Variants in TENT5D observed in about 807,000 individuals in gnomAD.
TENT5D encodes terminal nucleotidyltransferase 5D.
For missense variants in TENT5D, 191 were observed against 287.0 expected (o/e 0.67, Z 2.42); for synonymous variants, 103 against 100.6 (o/e 1.02, Z -0.15).
At chrX:80,407,307 A>T (rs1172283960) in intron 3 of TENT5D, among the ~76,000 whole-genome samples, 12 of 111,284 alleles carry the variant, frequency 1.1e-4, no homozygotes, top group African/African-American at 3.6e-4. Context: ...CAGACTGGCA[A>T]ATTGGATAAA....
chrX:80,441,182 AT>A, intron 2 of TENT5D, among the ~76,000 whole-genome samples: 1 of 111,339 alleles, frequency 9.0e-6, no homozygotes, highest in East Asian at 2.8e-4. Context: ...CAAGCATCCT[AT>A]TTCATGGGTC....
rs763339275 is a variant in TENT5D at position 80,369,581 on chromosome X, ATAT to A, written c.-142+27022_-142+27024del. ...AAATACTGTTTATCCCCAACAGCTA[ATAT>A]TATTGTTACCTAGAGTACAGTTGAC... On this transcript the variant is annotated intron_variant, in intron 3 of 4. Transcript: ENST00000538312. Among the ~76,000 whole-genome samples, 6 of 112,247 alleles carry A rather than the reference ATAT, an allele frequency of 5.3e-5. No homozygotes were observed. The South Asian group carries it at 2.2e-3, about 41-fold the overall frequency.
chrX:80,419,221 TATC>T (rs754076205), upstream of TENT5D, among the ~76,000 whole-genome samples: 285 of 112,053 alleles, frequency 2.5e-3, no homozygotes, highest in African/African-American at 8.0e-3. Flanking sequence ...GTATTATATA[TATC>T]ATGTAATGTA....
At chrX:80,341,909 C>T (rs1207303055) in intron 2 of TENT5D, among the ~76,000 whole-genome samples, 1 of 106,959 alleles carries the variant, frequency 9.3e-6, no homozygotes, top group East Asian at 3.0e-4. Flanking sequence ...GACGGGGTTT[C>T]ACCGTGTTAG....
chrX:80,370,491 A>G (rs959499027), intron 3 of TENT5D, among the ~76,000 whole-genome samples: 4 of 112,206 alleles, frequency 3.6e-5, no homozygotes, highest in Admixed American at 1.9e-4. Flanking sequence ...GTGTATATGT[A>G]TAGCATATGT....
At chrX:80,369,476 C>G (rs1569360010) in intron 3 of TENT5D, among the ~76,000 whole-genome samples, 1 of 111,382 alleles carries the variant, frequency 9.0e-6, no homozygotes, top group Non-Finnish European at 1.9e-5. Flanking sequence ...TGCCAGATCC[C>G]TAACATTTGA....
At chrX:80,414,298 A>G (rs1033433608) in intron 3 of TENT5D, among the ~76,000 whole-genome samples, 7 of 111,963 alleles carry the variant, frequency 6.3e-5, no homozygotes, top group South Asian at 3.7e-4. Context: ...AAATTGTCCT[A>G]TTGGTTTGAA....
intron 3 of TENT5D, among the ~76,000 whole-genome samples, chrX:80,370,738 T>C (rs1390434777): frequency 9.0e-6 from 1 of 111,415 alleles, no homozygotes; most frequent in Non-Finnish European, 1.9e-5. Flanking sequence ...TCTCATTGGT[T>C]TTTTTTTAGT....
At chrX:80,405,733 G>A (rs1479683882) in intron 3 of TENT5D, among the ~76,000 whole-genome samples, 1 of 109,260 alleles carries the variant, frequency 9.2e-6, no homozygotes, top group African/African-American at 3.3e-5. Context: ...AGGGAAGCTC[G>A]AACTGGGTGG....
intron 3 of TENT5D, among the ~76,000 whole-genome samples, chrX:80,403,140 G>A (rs914007844): frequency 9.0e-6 from 1 of 111,689 alleles, no homozygotes; most frequent in Non-Finnish European, 1.9e-5. Context: ...AATATGTTTC[G>A]CTCATATTTG....
intron 3 of TENT5D, among the ~76,000 whole-genome samples, chrX:80,412,114 C>T (rs756225536): frequency 9.7e-5 from 11 of 112,947 alleles, no homozygotes; most frequent in Non-Finnish European, 1.7e-4. Context: ...CCTGCAGGCT[C>T]AATGCCACAT....
chrX:80,431,783 G>T (rs1932093586), intron 1 of TENT5D, among the ~76,000 whole-genome samples: 1 of 111,590 alleles, frequency 9.0e-6, no homozygotes, highest in South Asian at 3.8e-4. Flanking sequence ...GGGAATTCAA[G>T]ATGAGATTTG....
In TENT5D at chrX:80,397,941, G is replaced by A. The variant is rs755137462; in HGVS notation, c.-141-40669G>A. On this transcript the variant is annotated intron_variant, in intron 3 of 4. Transcript: ENST00000538312. Reference sequence around the variant, plus strand: ...GTGGAAAGAGAGGGAGACGGAGACCGTGGGAGAGGGCGAGGGAGGGAGAGG... The same window carrying A: ...GTGGAAAGAGAGGGAGACGGAGACCATGGGAGAGGGCGAGGGAGGGAGAGG... Among the ~76,000 whole-genome samples, 16 of 110,360 alleles carry A rather than the reference G, an allele frequency of 1.4e-4. No individual in the cohort carries two copies. In the East Asian group the frequency reaches 2.0e-3, roughly 14 times the overall value.
Position 80,436,102 on chromosome X carries a change from A to G in TENT5D, c.-141-2508A>G, listed in dbSNP as rs762633172. On this transcript the variant is annotated intron_variant, in intron 1 of 2. Transcript: ENST00000308293. ...TTTTCCATAGCCTATAATCTAAACT[A>G]TTCTGTGGAATAATATCTCCCTTTA... Among the ~76,000 whole-genome samples, 493 of 111,156 alleles carry G rather than the reference A, an allele frequency of 4.4e-3. 3 individuals carry two copies. The highest frequency in any genetic ancestry group is 8.0e-3 in the Non-Finnish European group (422 of 52,956).
intron 1 of TENT5D, among the ~76,000 whole-genome samples, chrX:80,436,302 G>A (rs1263642484): frequency 9.0e-6 from 1 of 110,892 alleles, no homozygotes; most frequent in Non-Finnish European, 1.9e-5. Context: ...GAAAATTAGG[G>A]AACTCTTTGA....
At chrX:80,431,062 T>A (rs751257790) in intron 1 of TENT5D, among the ~76,000 whole-genome samples, 73 of 112,047 alleles carry the variant, frequency 6.5e-4, no homozygotes, top group Non-Finnish European at 1.2e-3. Context: ...TTCCAGAGAA[T>A]GACACCAATT....
At chrX:80,391,249 T>C (rs1025356526) in intron 3 of TENT5D, among the ~76,000 whole-genome samples, 1 of 111,437 alleles carries the variant, frequency 9.0e-6, no homozygotes, top group Non-Finnish European at 1.9e-5. Context: ...CAGAAATACA[T>C]AGTTACAAAA....
intron 3 of TENT5D, among the ~76,000 whole-genome samples, chrX:80,347,878 G>A (rs1930098133): frequency 8.9e-6 from 1 of 112,092 alleles, no homozygotes; most frequent in South Asian, 3.7e-4. Flanking sequence ...TCTGGTTTCT[G>A]TTTTCTGCAT....
chrX:80,387,039 A>G (rs1191105792), intron 3 of TENT5D, among the ~76,000 whole-genome samples: 1 of 112,651 alleles, frequency 8.9e-6, no homozygotes, highest in East Asian at 2.8e-4. Context: ...GGATAATTTC[A>G]TAAGTATGCA....
Sources: allele counts gnomAD v4.1 joint callset (sites outside exome capture counted in the v4.1 genomes callset), GRCh38; gene constraint gnomAD v4.1.1; transcripts MANE v1.5; gene names NCBI Gene and HGNC (gene_info 2026-07-23, HGNC 2026-07-21).